The following YWHAE variants were observed in gnomAD, a reference collection of about 807,000 sequenced individuals.
YWHAE encodes the protein tyrosine 3-monooxygenase/tryptophan 5-monooxygenase activation protein epsilon.
A neutral mutation model predicts 30.1 loss-of-function variants in YWHAE; 4 were observed. The ratio of observed to expected loss-of-function variants is 0.13; its 90% CI spans 0.07 to 0.30. The LOEUF is 0.30. Among genes scored for constraint, YWHAE ranks in the 10% least tolerant of loss-of-function variants. The pLI, the probability that YWHAE is intolerant of heterozygous loss-of-function variation, is 1.00. For missense variants in YWHAE, 121 were observed against 315.9 expected (o/e 0.38, Z 4.68); for synonymous variants, 118 against 111.8 (o/e 1.06, Z -0.35).
At chr17:1,393,535 A>C (rs2073420470) in intron 1 of YWHAE, among the ~76,000 whole-genome samples, 1 of 151,962 alleles carries the variant, frequency 6.6e-6, no homozygotes, top group Non-Finnish European at 1.5e-5. Context: ...GGGTCAAGCG[A>C]TTTCCCACCT....
chr17:1,362,545 T>A (rs1045858277), intron 2 of YWHAE, among the ~76,000 whole-genome samples: 1 of 152,108 alleles, frequency 6.6e-6, no homozygotes, highest in Non-Finnish European at 1.5e-5. Flanking sequence ...ATTCCTTTAG[T>A]GGCAGAGATC....
At chr17:1,393,320 C>CA (rs879836225) in intron 1 of YWHAE, among the ~76,000 whole-genome samples, 424 of 102,100 alleles carry the variant, frequency 4.2e-3, no homozygotes, top group East Asian at 0.015. Flanking sequence ...GACCCTGTCT[C>CA]AAAAAAAAAA....
intron 1 of YWHAE, among the ~76,000 whole-genome samples, chr17:1,371,918 A>G (rs72818258): frequency 0.12 from 18,353 of 150,436 alleles, 1,823 homozygotes; most frequent in East Asian, 0.52. Flanking sequence ...AGCTCACTGC[A>G]ACCTCCGTCT....
At chr17:1,387,129 TTA>T (rs2073311913) in intron 1 of YWHAE, among the ~76,000 whole-genome samples, 1 of 152,232 alleles carries the variant, frequency 6.6e-6, no homozygotes, top group Non-Finnish European at 1.5e-5. Flanking sequence ...GTCTCAATAT[TTA>T]GGGCAGGGTT....
intron 1 of YWHAE, among the ~76,000 whole-genome samples, chr17:1,367,120 G>A (rs1039326989): frequency 2.6e-5 from 4 of 152,076 alleles, no homozygotes; most frequent in African/African-American, 9.7e-5. Context: ...TGTACCATAT[G>A]ACTCAGCAAT....
At chr17:1,353,504 T>A (rs1288701619) in intron 5 of YWHAE, among the ~76,000 whole-genome samples, 1 of 150,784 alleles carries the variant, frequency 6.6e-6, no homozygotes, top group Non-Finnish European at 1.5e-5. Flanking sequence ...GGCTAACGCC[T>A]GTAATCCCTG....
At chr17:1,350,521 C>A (rs1007389796) in intron 5 of YWHAE, among the ~76,000 whole-genome samples, 1 of 151,998 alleles carries the variant, frequency 6.6e-6, no homozygotes, top group South Asian at 2.1e-4. Context: ...TGGCTCACTG[C>A]ACCTCTGCCT....
intron 1 of YWHAE, among the ~76,000 whole-genome samples, chr17:1,381,952 GA>G (rs933827229): frequency 4.1e-5 from 6 of 145,246 alleles, no homozygotes; most frequent in East Asian, 2.0e-4. Flanking sequence ...GACAGAAAAG[GA>G]AAAAAAAACA....
chr17:1,382,646 C>T (rs1025500697), intron 1 of YWHAE, among the ~76,000 whole-genome samples: 19 of 152,114 alleles, frequency 1.2e-4, no homozygotes, highest in Admixed American at 1.1e-3. Flanking sequence ...AGGCGTGAGC[C>T]ACCACGCCTG....
chr17:1,387,853 T>C (rs1053510228), intron 1 of YWHAE, among the ~76,000 whole-genome samples: 2 of 151,192 alleles, frequency 1.3e-5, no homozygotes, highest in Non-Finnish European at 2.9e-5. Context: ...CCTGAACTCC[T>C]GACCTCAGGT....
intron 5 of YWHAE, among the ~76,000 whole-genome samples, chr17:1,353,649 G>A (rs2072678635): frequency 6.6e-6 from 1 of 151,488 alleles, no homozygotes; most frequent in South Asian, 2.1e-4. Context: ...TGCAACCCCA[G>A]CTACCCTGGG....
chr17:1,378,045 G>A (rs1038117854), intron 1 of YWHAE, among the ~76,000 whole-genome samples: 2 of 152,202 alleles, frequency 1.3e-5, no homozygotes, highest in African/African-American at 2.4e-5. Context: ...GTGAGACTCC[G>A]TCTCAAAATA....
chr17:1,360,852 T>C (rs1292230054), intron 4 of YWHAE, among the ~76,000 whole-genome samples: 1 of 152,176 alleles, frequency 6.6e-6, no homozygotes, highest in Admixed American at 6.5e-5. Context: ...CATTTTAACA[T>C]GTTAGATTTC....
rs2072693196 is a variant in YWHAE, at chr17:1,354,444, T to C, written c.579-97A>G. 3 of 1,219,802 alleles carry C rather than the reference T, an allele frequency of 2.5e-6. No individual in the cohort carries two copies. The South Asian group carries it at 4.4e-5, about 18-fold the overall frequency. 75.6% of individuals were successfully genotyped at this position (1,219,802 alleles called of 1,614,324 possible). ...GCAATCTTTTCTTCAGTTATTCCAGTTTGTAATAGTCACAATGATAATGCA... is the reference window on the plus strand; with the variant it reads ...GCAATCTTTTCTTCAGTTATTCCAGCTTGTAATAGTCACAATGATAATGCA... On this transcript the variant is annotated intron_variant, in intron 4 of 5. Transcript: ENST00000264335.
intron 4 of YWHAE, among the ~76,000 whole-genome samples, chr17:1,359,223 G>A (rs1215923342): frequency 2.0e-5 from 3 of 152,116 alleles, no homozygotes; most frequent in Admixed American, 6.6e-5. Context: ...GGAAGGCTCA[G>A]GTAGGCGAAT....
At chr17:1,361,554 A>G (rs1485654060) in intron 3 of YWHAE, 2 of 453,510 alleles carry the variant, frequency 4.4e-6, no homozygotes, top group Non-Finnish European at 7.7e-6. Context: ...AATTAATAAA[A>G]TTATCACCTG....
At chr17:1,387,990 A>C (rs1384251142) in intron 1 of YWHAE, among the ~76,000 whole-genome samples, 2 of 132,364 alleles carry the variant, frequency 1.5e-5, no homozygotes, top group Non-Finnish European at 3.1e-5. Context: ...CAGGGGCACT[A>C]TCTCGGCTCA....
chr17:1,348,031 G>T, intron 5 of YWHAE: 1 of 1,000,948 alleles, frequency 1.0e-6, no homozygotes, highest in Non-Finnish European at 1.2e-6. Context: ...GAAAAAGGGA[G>T]GGAGAACAAT....
intron 1 of YWHAE, among the ~76,000 whole-genome samples, chr17:1,390,562 A>C (rs965380140): frequency 3.9e-5 from 6 of 152,208 alleles, no homozygotes; most frequent in Admixed American, 2.6e-4. Flanking sequence ...AAAATTTCAT[A>C]ACCACCCTGC....
Sources: gnomAD v4.1 joint callset for allele counts (sites outside exome capture counted in the v4.1 genomes callset) on GRCh38, gnomAD v4.1.1 for gene constraint, MANE v1.5 for transcripts, NCBI Gene and HGNC (gene_info 2026-07-23, HGNC 2026-07-21) for gene names.